The following NFKB1 variants were observed in gnomAD, a reference collection of about 807,000 sequenced individuals.
NFKB1 encodes nuclear factor NF-kappa-B p105 subunit.
In NFKB1, 9 loss-of-function variants were observed where a neutral mutation model predicts 105.1. That is an observed-to-expected ratio of 0.09 (90% CI 0.05 to 0.15). The LOEUF (loss-of-function observed/expected upper bound fraction) is 0.15. NFKB1 is among the 10% of genes least tolerant of loss of function. NFKB1 has a pLI of 1.00. For missense variants in NFKB1, 830 were observed against 1,203.7 expected (o/e 0.69, Z 4.59); for synonymous variants, 440 against 442.2 (o/e 1.00, Z 0.06).
rs542180475 is a variant in NFKB1, at chr4:102,526,511, A to T, written c.39+954A>T. 5.7e-4 allele frequency among the ~76,000 whole-genome samples: 87 copies of T among 152,302 alleles called. 1 individual carries two copies. In the South Asian group the frequency reaches 0.017, roughly 30 times the overall value. On this transcript the variant is annotated intron_variant, in intron 2 of 23. Coordinates refer to ENST00000226574, the MANE Select transcript of NFKB1 (RefSeq NM_003998.4). ...CCCCATCAATTTATACCAAAAAAAA[A>T]TTTTATTTAAAACTCATCTAGTAAG...
intron 4 of NFKB1, among the ~76,000 whole-genome samples, chr4:102,534,649 G>A (rs568904136): frequency 4.6e-5 from 7 of 152,306 alleles, no homozygotes; most frequent in East Asian, 1.9e-4. Flanking sequence ...AAATAATGGT[G>A]TAGTTCCCCA....
intron 6 of NFKB1, among the ~76,000 whole-genome samples, chr4:102,576,178 G>T (rs553865850): frequency 2.0e-5 from 3 of 152,150 alleles, no homozygotes; most frequent in Admixed American, 6.5e-5. Flanking sequence ...CCCTGTTTAC[G>T]TGTATACTTA....
chr4:102,586,851 G>T (rs1434428840), intron 11 of NFKB1, among the ~76,000 whole-genome samples: 2 of 152,198 alleles, frequency 1.3e-5, no homozygotes, highest in African/African-American at 4.8e-5. Context: ...CACATGGGTG[G>T]GTGTTGTCTC....
At position 102,502,390 on chromosome 4, in the gene NFKB1, G is replaced by GCACACACACA. The variant is rs754187388; in HGVS notation, c.-8+630_-8+639dup. Among the ~76,000 whole-genome samples the GCACACACACA allele has an allele frequency of 2.5e-3, 260 of 105,332 alleles. 5 individuals are homozygous for GCACACACACA. Among genetic ancestry groups the GCACACACACA allele is most frequent in the African/African-American group, 9.4e-3 (226 of 23,958 alleles). The allele number at this position is 105,332 out of a possible 152,430, so 69.1% of individuals were successfully genotyped here. ...CCCCCCTCCGTGCGCGCGCGCGCGCGCACACACACACACACACACACACAC... is the reference window on the plus strand; with the variant it reads ...CCCCCCTCCGTGCGCGCGCGCGCGCGCACACACACACACACACACACACACACACACACAC... On this transcript the variant is annotated intron_variant, in intron 1 of 23. Coordinates refer to ENST00000226574, the MANE Select transcript of NFKB1 (RefSeq NM_003998.4).
chr4:102,576,751 G>C (rs909450997), intron 6 of NFKB1, 125 bp from the exon 7 acceptor site: 2 of 1,017,346 alleles, frequency 2.0e-6, no homozygotes, highest in African/African-American at 3.3e-5. Context: ...AGCCCCAAGA[G>C]ATTTGTATAA....
intron 19 of NFKB1, among the ~76,000 whole-genome samples, chr4:102,608,286 T>C (rs937763709): frequency 4.6e-4 from 70 of 152,330 alleles, no homozygotes; most frequent in African/African-American, 1.6e-3. Context: ...ATATGCACTT[T>C]ATGTGCACAG....
At chr4:102,562,262 AG>A (rs1230166842) in intron 5 of NFKB1, among the ~76,000 whole-genome samples, 1 of 152,140 alleles carries the variant, frequency 6.6e-6, no homozygotes, top group Non-Finnish European at 1.5e-5. Context: ...GTACTCCCTC[AG>A]GAAGCTTTCC....
intron 5 of NFKB1, among the ~76,000 whole-genome samples, chr4:102,545,837 C>A (rs917866836): frequency 2.0e-5 from 3 of 152,182 alleles, no homozygotes; most frequent in Middle Eastern, 6.8e-3. Flanking sequence ...CAACATATTA[C>A]AACAGATAAT....
chr4:102,606,373 A>C (rs992416043), intron 16 of NFKB1, 123 bp from the exon 17 acceptor site: 133 of 921,696 alleles, frequency 1.4e-4, no homozygotes, highest in Middle Eastern at 1.0e-3. Context: ...TCAGAAGTTA[A>C]TCTGGGAATG....
chr4:102,559,742 G>C (rs1044119338), intron 5 of NFKB1, among the ~76,000 whole-genome samples: 1 of 151,668 alleles, frequency 6.6e-6, no homozygotes, highest in African/African-American at 2.4e-5. Flanking sequence ...ATGAGTTCAA[G>C]GCCAGCCCGG....
chr4:102,522,649 A>G (rs1329324356), intron 1 of NFKB1, among the ~76,000 whole-genome samples: 12 of 152,230 alleles, frequency 7.9e-5, no homozygotes, highest in Non-Finnish European at 1.8e-4. Flanking sequence ...AAAACCATCC[A>G]CAGGTTTAAA....
intron 16 of NFKB1, among the ~76,000 whole-genome samples, chr4:102,602,528 C>T (rs1046395484): frequency 2.7e-5 from 4 of 148,670 alleles, no homozygotes; most frequent in African/African-American, 7.5e-5. Flanking sequence ...GACAGAGTGA[C>T]GCTCTGTCTC....
intron 1 of NFKB1, chr4:102,503,226 A>G (rs1168838470): frequency 2.0e-5 from 3 of 152,146 alleles, no homozygotes; most frequent in Non-Finnish European, 4.4e-5. Context: ...TACATTCATG[A>G]TTTAATTGAA....
intron 5 of NFKB1, among the ~76,000 whole-genome samples, chr4:102,541,855 A>G (rs527344421): frequency 2.0e-5 from 3 of 152,194 alleles, no homozygotes; most frequent in Non-Finnish European, 2.9e-5. Flanking sequence ...TCTCCTTCCA[A>G]CCTCACACCC....
At chr4:102,544,613 A>T (rs1056787267) in intron 5 of NFKB1, among the ~76,000 whole-genome samples, 1 of 152,174 alleles carries the variant, frequency 6.6e-6, no homozygotes, top group Non-Finnish European at 1.5e-5. Flanking sequence ...TGAGACTTAT[A>T]GGTAATTTTT....
At position 102,513,312 on chromosome 4, in the gene NFKB1, A is replaced by G. The variant is rs569547128; in HGVS notation, c.-8+11524A>G. 3.9e-5 allele frequency among the ~76,000 whole-genome samples: 6 copies of G among 152,368 alleles called. No homozygotes were observed. In the East Asian group the frequency reaches 1.2e-3, roughly 29 times the overall value. ...CATTTAAGGTTTTATCTAACTTATT[A>G]TAATCCTTAGAGAACTTCTCTAGCT... On this transcript the variant is annotated intron_variant, in intron 1 of 23. Coordinates refer to ENST00000226574, the MANE Select transcript of NFKB1 (RefSeq NM_003998.4).
chr4:102,609,410 G>A (rs1728175676), intron 19 of NFKB1, among the ~76,000 whole-genome samples: 1 of 151,746 alleles, frequency 6.6e-6, no homozygotes, highest in Non-Finnish European at 1.5e-5. Flanking sequence ...CTGGCAGTTC[G>A]AGACTCACCT....
intron 11 of NFKB1, among the ~76,000 whole-genome samples, chr4:102,590,427 T>C (rs1726074110): frequency 6.6e-6 from 1 of 152,218 alleles, no homozygotes; most frequent in African/African-American, 2.4e-5. Flanking sequence ...AATTGAAGGT[T>C]TGTGGCAATA....
chr4:102,586,571 A>AC (rs1725729343), intron 11 of NFKB1, among the ~76,000 whole-genome samples: 1 of 152,106 alleles, frequency 6.6e-6, no homozygotes, highest in African/African-American at 2.4e-5. Context: ...GAGTCCACTG[A>AC]CCCCCAAAGA....
Sources: allele counts gnomAD v4.1 joint callset (sites outside exome capture counted in the v4.1 genomes callset), GRCh38; gene constraint gnomAD v4.1.1; transcripts MANE v1.5; gene names NCBI Gene and HGNC (gene_info 2026-07-23, HGNC 2026-07-21).